IGSF10: variants seen among roughly 807,000 people sequenced by gnomAD.
IGSF10 encodes immunoglobulin superfamily member 10.
A neutral mutation model predicts 128.2 loss-of-function variants in IGSF10; 126 were observed. The observed-to-expected ratio is 0.98, with a 90% CI of 0.85 to 1.14. The LOEUF is 1.14. Among genes scored for constraint, IGSF10 ranks in the 50% most tolerant of loss-of-function variants. The pLI, the probability that IGSF10 is intolerant of heterozygous loss-of-function variation, is 0.00. For synonymous variants in IGSF10, 1,185 were observed against 1,146.2 expected, an observed-to-expected ratio of 1.03 and a Z score of -0.68; for missense variants, 3,295 against 3,149.8, an observed-to-expected ratio of 1.05 and a Z score of -1.10.
the IGSF10 span, among the ~76,000 whole-genome samples, chr3:151,570,632 G>T: frequency 5.3e-5 from 8 of 152,214 alleles, no homozygotes; most frequent in East Asian, 3.9e-4. Context: ...TTCTGGATAT[G>T]AGCCCTTTGT....
At chr3:151,615,701 A>G in the IGSF10 span, among the ~76,000 whole-genome samples, 2 of 152,192 alleles carry the variant, frequency 1.3e-5, no homozygotes, top group African/African-American at 4.8e-5. Context: ...AGGGCAGATA[A>G]AAATTATGAG....
Position 151,438,066 on chromosome 3 carries a change from G to C in IGSF10, c.6495C>G (p.Val2165=). 1 of 1,614,194 alleles carries C rather than the reference G, an allele frequency of 6.2e-7. No homozygotes were observed. Among genetic ancestry groups the C allele is most frequent in the Non-Finnish European group, 8.5e-7 (1 of 1,180,026 alleles). ...AGDTAVLDCE[V]TGDPKPKIFW... is the part of the protein sequence containing the mutation. ...ATATTTTTGGTTTGGGATCCCCAGT[G>C]ACCTCACAGTCAAGGACAGCTGTGT... The change falls in exon 8 of 8, where the codon GTC becomes GTG. Residue 2165 remains valine (V), a synonymous_variant. Coordinates refer to ENST00000282466, the MANE Select transcript of IGSF10 (RefSeq NM_178822.5).
the IGSF10 span, among the ~76,000 whole-genome samples, chr3:151,516,979 T>C: frequency 6.6e-6 from 1 of 151,074 alleles, no homozygotes; most frequent in African/African-American, 2.4e-5. Flanking sequence ...GGATGTCACA[T>C]AGGACATTTA....
the IGSF10 span, among the ~76,000 whole-genome samples, chr3:151,560,006 A>C: frequency 6.6e-6 from 1 of 152,106 alleles, no homozygotes; most frequent in Non-Finnish European, 1.5e-5. Flanking sequence ...AGTGCTTAGA[A>C]GACCAAATCC....
chr3:151,527,813 C>T, the IGSF10 span, among the ~76,000 whole-genome samples: 1 of 151,218 alleles, frequency 6.6e-6, no homozygotes, highest in South Asian at 2.1e-4. Context: ...ATTAGCTGGG[C>T]ATGGTGGTAC....
the IGSF10 span, among the ~76,000 whole-genome samples, chr3:151,492,761 CCAT>C: frequency 8.9e-5 from 11 of 123,944 alleles, no homozygotes; most frequent in African/African-American, 3.3e-4. Flanking sequence ...AAACAAAACC[CCAT>C]CATATGACAC....
the IGSF10 span, among the ~76,000 whole-genome samples, chr3:151,599,737 A>G: frequency 6.6e-6 from 1 of 152,216 alleles, no homozygotes; most frequent in African/African-American, 2.4e-5. Flanking sequence ...TCAATTAAAG[A>G]ATGTGGATAT....
upstream of IGSF10, chr3:151,461,607 G>A (rs1722063421): frequency 5.5e-6 from 1 of 183,124 alleles, no homozygotes; most frequent in African/African-American, 2.4e-5. Flanking sequence ...GACACGAGCA[G>A]CTAAAATCTA....
At chr3:151,514,946 A>G in the IGSF10 span, among the ~76,000 whole-genome samples, 1 of 152,212 alleles carries the variant, frequency 6.6e-6, no homozygotes, top group Non-Finnish European at 1.5e-5. Flanking sequence ...TAGAATGGCG[A>G]TCATTAAAAA....
chr3:151,534,256 A>G, the IGSF10 span, among the ~76,000 whole-genome samples: 2 of 152,226 alleles, frequency 1.3e-5, no homozygotes, highest in Non-Finnish European at 2.9e-5. Context: ...TGATTCCTCA[A>G]GGACCTGGAA....
In IGSF10 at chr3:151,437,860, G is replaced by A; in HGVS notation, c.6701C>T (p.Pro2234Leu). ...TGTATACAGACCATTGATTAATGGA[G>A]GTTTAGAGACCACATCCAGTTTGTA... ...KMYKLDVVSK[P>L]PLINGLYTNR... is the part of the protein sequence containing the mutation. Residue 2234 changes from proline (P) to leucine (L), a missense_variant, in exon 8 of 8, where the codon CCT becomes CTT. Pro to Leu is a moderately conservative substitution (Grantham distance 98). Transcript: ENST00000282466. The A allele has an allele frequency of 1.2e-6, 2 of 1,614,066 alleles. No homozygotes were observed. Among genetic ancestry groups the A allele is most frequent in the Non-Finnish European group, 1.7e-6 (2 of 1,179,958 alleles).
chr3:151,443,695 C>A lies in IGSF10; in HGVS notation c.5252G>T (p.Arg1751Leu). 6.2e-7 allele frequency: 1 copy of A among 1,614,146 alleles called. No homozygotes were observed. The highest frequency in any genetic ancestry group is 1.1e-5 in the South Asian group (1 of 91,080). ...VSYPPRILER[R>L]TKEITVHSGS... ...GGAATGAACTGTGATCTCTTTGGTA[C>A]GTCTCTCCAGGATCCTGGGAGGATA... is the stretch of plus-strand genomic sequence containing the variant. Residue 1751 changes from arginine to leucine, a missense_variant, in exon 7 of 8, where the codon CGT (arginine) becomes CTT (leucine). Coordinates refer to ENST00000282466, the MANE Select transcript of IGSF10 (RefSeq NM_178822.5).
chr3:151,574,427 T>C, the IGSF10 span, among the ~76,000 whole-genome samples: 2 of 152,206 alleles, frequency 1.3e-5, no homozygotes, highest in African/African-American at 4.8e-5. Context: ...TCTTTACTCT[T>C]TTTTCTCTAA....
chr3:151,475,486 T>C, the IGSF10 span, among the ~76,000 whole-genome samples: 2 of 152,232 alleles, frequency 1.3e-5, no homozygotes, highest in Admixed American at 1.3e-4. Flanking sequence ...ATTGAAAACC[T>C]AACTTAGGAG....
At chr3:151,573,509 T>C in the IGSF10 span, among the ~76,000 whole-genome samples, 2 of 152,212 alleles carry the variant, frequency 1.3e-5, no homozygotes, top group African/African-American at 4.8e-5. Context: ...TTTTGATCTT[T>C]GTTGGTTTAA....
At chr3:151,469,746 C>T in the IGSF10 span, among the ~76,000 whole-genome samples, 1 of 152,142 alleles carries the variant, frequency 6.6e-6, no homozygotes, top group Non-Finnish European at 1.5e-5. Context: ...AAATCTGAAG[C>T]AATTCAAGAG....
chr3:151,460,224 C>G (rs909539804), intron 2 of IGSF10, 37 bp downstream of exon 2: 2 of 606,606 alleles, frequency 3.3e-6, no homozygotes, highest in South Asian at 1.5e-4. Flanking sequence ...AAACGTAAGG[C>G]TGAAAATGTA....
chr3:151,525,710 A>G, the IGSF10 span, among the ~76,000 whole-genome samples: 1 of 152,242 alleles, frequency 6.6e-6, no homozygotes, highest in Non-Finnish European at 1.5e-5. Context: ...TCCTTACCAC[A>G]TGCCCCACTC....
chr3:151,501,432 G>A, the IGSF10 span, among the ~76,000 whole-genome samples: 1 of 138,394 alleles, frequency 7.2e-6, no homozygotes, highest in South Asian at 2.4e-4. Flanking sequence ...TGAAAATAAT[G>A]TACTTAGTAT....
Sources: gnomAD v4.1 joint callset for allele counts (sites outside exome capture counted in the v4.1 genomes callset) on GRCh38, gnomAD v4.1.1 for gene constraint, MANE v1.5 for transcripts, NCBI Gene and HGNC (gene_info 2026-07-23, HGNC 2026-07-21) for gene names.